Variants in SGMS1 observed in about 807,000 individuals in gnomAD.
The protein encoded by SGMS1 is phosphatidylcholine:ceramide cholinephosphotransferase 1.
In SGMS1, 13 loss-of-function variants were observed where a neutral mutation model predicts 46.2. The observed-to-expected ratio is 0.28, with a 90% CI of 0.18 to 0.45. The LOEUF (loss-of-function observed/expected upper bound fraction) is 0.45, where lower values mean the gene tolerates loss of function less well. Among genes scored for constraint, SGMS1 ranks in the 20% least tolerant of loss-of-function variants. The probability of loss-of-function intolerance (pLI) is 1.00; values close to 1 mark genes in which losing one functional copy is unlikely to be tolerated. For synonymous variants in SGMS1, 203 were observed against 187.8 expected (o/e 1.08, Z -0.66); for missense variants, 324 against 519.9 (o/e 0.62, Z 3.66).
At chr10:50,598,352 G>A (rs994056916) in intron 1 of SGMS1, among the ~76,000 whole-genome samples, 9 of 152,154 alleles carry the variant, frequency 5.9e-5, no homozygotes, top group Non-Finnish European at 7.3e-5. Context: ...AGAACTCTGA[G>A]AAATAAATGG....
intron 5 of SGMS1, among the ~76,000 whole-genome samples, chr10:50,440,294 T>TATA (rs1177839559): frequency 1.3e-3 from 202 of 150,118 alleles, no homozygotes; most frequent in African/African-American, 4.5e-3. Context: ...ATATATATAT[T>TATA]TTCTTTTAAA....
chr10:50,372,989 T>C (rs1357813780), intron 6 of SGMS1, among the ~76,000 whole-genome samples: 1 of 152,194 alleles, frequency 6.6e-6, no homozygotes, highest in Non-Finnish European at 1.5e-5. Flanking sequence ...TGTACAATGA[T>C]AAAATAGTTG....
chr10:50,416,148 T>G (rs1044514615), intron 6 of SGMS1, among the ~76,000 whole-genome samples: 8 of 152,192 alleles, frequency 5.3e-5, no homozygotes, highest in African/African-American at 1.9e-4. Flanking sequence ...TTAAATCACT[T>G]AAAAATCTGC....
chr10:50,622,884 G>C (rs1183988961), intron 1 of SGMS1, among the ~76,000 whole-genome samples: 1 of 152,250 alleles, frequency 6.6e-6, no homozygotes, highest in Non-Finnish European at 1.5e-5. Flanking sequence ...CGGTGGGAGA[G>C]GCAGCCGCTG....
intron 6 of SGMS1, among the ~76,000 whole-genome samples, chr10:50,427,211 A>G (rs932422267): frequency 4.5e-4 from 69 of 152,226 alleles, no homozygotes; most frequent in African/African-American, 1.7e-3. Context: ...ATCCTGGCTA[A>G]CATGTTGAAA....
intron 5 of SGMS1, among the ~76,000 whole-genome samples, chr10:50,444,151 G>A (rs557913728): frequency 2.0e-5 from 3 of 152,218 alleles, no homozygotes; most frequent in Non-Finnish European, 4.4e-5. Flanking sequence ...TACAGTAAAT[G>A]TAAATAGACT....
chr10:50,495,238 C>CAAAAAAA (rs35409405), intron 3 of SGMS1, among the ~76,000 whole-genome samples: 1 of 75,912 alleles, frequency 1.3e-5, no homozygotes, highest in Non-Finnish European at 2.4e-5. Context: ...GATTCCGTCT[C>CAAAAAAA]AAAAAAAAAA....
chr10:50,518,085 T>C (rs1837825002), intron 3 of SGMS1, among the ~76,000 whole-genome samples: 1 of 152,122 alleles, frequency 6.6e-6, no homozygotes, highest in South Asian at 2.1e-4. Flanking sequence ...ACAAATACCA[T>C]CTCTATACAA....
At chr10:50,479,915 TA>T (rs1837461152) in intron 3 of SGMS1, among the ~76,000 whole-genome samples, 1 of 152,202 alleles carries the variant, frequency 6.6e-6, no homozygotes, top group South Asian at 2.1e-4. Flanking sequence ...ATTTCTTTTC[TA>T]AAATCATATA....
intron 2 of SGMS1, among the ~76,000 whole-genome samples, chr10:50,549,793 G>T (rs1838133296): frequency 6.6e-6 from 1 of 152,146 alleles, no homozygotes; most frequent in Admixed American, 6.5e-5. Context: ...AGTCACATGT[G>T]TTCTCCCAGG....
At chr10:50,310,941 T>C (rs1385623013) in intron 9 of SGMS1, among the ~76,000 whole-genome samples, 1 of 152,208 alleles carries the variant, frequency 6.6e-6, no homozygotes, top group Non-Finnish European at 1.5e-5. Context: ...TGGATTTCTG[T>C]GTCCCTTTGA....
intron 1 of SGMS1, among the ~76,000 whole-genome samples, chr10:50,606,257 C>T (rs571413182): frequency 4.3e-4 from 65 of 152,306 alleles, no homozygotes; most frequent in African/African-American, 1.4e-3. Flanking sequence ...ATATGAGGTA[C>T]ATAGTCAAAT....
intron 2 of SGMS1, among the ~76,000 whole-genome samples, chr10:50,538,016 C>T (rs527541984): frequency 6.6e-6 from 1 of 151,194 alleles, no homozygotes; most frequent in Admixed American, 6.6e-5. Flanking sequence ...GGGCAGGAGG[C>T]TTGCTTGAGC....
chr10:50,456,009 A>C (rs1837186682), intron 5 of SGMS1, among the ~76,000 whole-genome samples: 6 of 152,212 alleles, frequency 3.9e-5, no homozygotes, highest in Admixed American at 3.9e-4. Context: ...GGGAAGTCCA[A>C]CCAGAGGACC....
At chr10:50,583,352 A>G (rs1220652430) in intron 2 of SGMS1, among the ~76,000 whole-genome samples, 1 of 152,076 alleles carries the variant, frequency 6.6e-6, no homozygotes, top group African/African-American at 2.4e-5. Flanking sequence ...AGCACCCCCA[A>G]TCCTCTTGGT....
intron 2 of SGMS1, among the ~76,000 whole-genome samples, chr10:50,554,907 T>G (rs766219861): frequency 2.8e-4 from 42 of 152,234 alleles, no homozygotes; most frequent in Non-Finnish European, 5.0e-4. Context: ...TACTGCATTC[T>G]TTTTACCAAA....
chr10:50,352,651 G>C (rs1213911842), intron 6 of SGMS1, among the ~76,000 whole-genome samples: 6 of 152,052 alleles, frequency 3.9e-5, no homozygotes, highest in African/African-American at 1.4e-4. Flanking sequence ...AGTCACCTTG[G>C]GGCTAGACCA....
chr10:50,590,654 G>C (rs1208487680), intron 1 of SGMS1: 1 of 151,864 alleles, frequency 6.6e-6, no homozygotes, highest in Non-Finnish European at 1.5e-5. Flanking sequence ...TTTTTTTGAG[G>C]AGTTTTCTGG....
At chr10:50,578,406 C>T (rs1838403593) in intron 2 of SGMS1, among the ~76,000 whole-genome samples, 1 of 152,142 alleles carries the variant, frequency 6.6e-6, no homozygotes, top group Non-Finnish European at 1.5e-5. Context: ...TATATGCTTA[C>T]CCTTGGAAAA....
Sources: gnomAD v4.1 joint callset for allele counts (sites outside exome capture counted in the v4.1 genomes callset) on GRCh38, gnomAD v4.1.1 for gene constraint, MANE v1.5 for transcripts, NCBI Gene and HGNC (gene_info 2026-07-23, HGNC 2026-07-21) for gene names.